RABGAP1L: variants seen among roughly 807,000 people sequenced by gnomAD.
The protein encoded by RABGAP1L is RAB GTPase activating protein 1 like, also known as rab GTPase-activating protein 1-like.
In RABGAP1L, 63 loss-of-function variants were observed where a neutral mutation model predicts 137.7. That is an observed-to-expected ratio of 0.46 (90% CI 0.37 to 0.56). RABGAP1L has a LOEUF of 0.56. Among genes scored for constraint, RABGAP1L ranks in the 20% least tolerant of loss-of-function variants. RABGAP1L has a pLI of 0.00. For synonymous variants in RABGAP1L, 431 were observed against 433.7 expected, an observed-to-expected ratio of 0.99 and a Z score of 0.08; for missense variants, 1,095 against 1,244.0, an observed-to-expected ratio of 0.88 and a Z score of 1.80.
chr1:174,363,337 T>A (rs1278087364), intron 11 of RABGAP1L, among the ~76,000 whole-genome samples: 1 of 152,254 alleles, frequency 6.6e-6, no homozygotes, highest in African/African-American at 2.4e-5. Context: ...AATGGTAGTT[T>A]AATAGAAATA....
intron 11 of RABGAP1L, among the ~76,000 whole-genome samples, chr1:174,312,448 G>T (rs181300810): frequency 2.0e-5 from 3 of 151,928 alleles, no homozygotes; most frequent in Non-Finnish European, 2.9e-5. Context: ...CAGATTATTC[G>T]ATTTTTTTCC....
intron 13 of RABGAP1L, among the ~76,000 whole-genome samples, chr1:174,502,666 GTGTATA>G (rs1454408485): frequency 2.7e-5 from 4 of 146,766 alleles, no homozygotes; most frequent in Non-Finnish European, 6.0e-5. Flanking sequence ...ATATGTGTGT[GTGTATA>G]TATACATATA....
chr1:174,572,575 G>T (rs910995863), intron 13 of RABGAP1L, among the ~76,000 whole-genome samples: 1 of 152,076 alleles, frequency 6.6e-6, no homozygotes, highest in Non-Finnish European at 1.5e-5. Context: ...TAGAGACGGG[G>T]TTTCACTGTA....
Position 174,595,583 on chromosome 1 carries a change from C to G in RABGAP1L, c.1711-41792C>G, listed in dbSNP as rs1243578569. 2.0e-5 allele frequency among the ~76,000 whole-genome samples: 3 copies of G among 147,832 alleles called. No homozygotes were observed. The East Asian group carries it at 6.1e-4, about 30-fold the overall frequency. Reference sequence around the variant, plus strand: ...AGTTTTCCTTCTAACAGACAGGACCCTCAGCTGCAGGTCTGTTGGAATACC... The same window carrying G: ...AGTTTTCCTTCTAACAGACAGGACCGTCAGCTGCAGGTCTGTTGGAATACC... On this transcript the variant is annotated intron_variant, in intron 13 of 25. Coordinates refer to ENST00000681986, the MANE Select transcript of RABGAP1L (RefSeq NM_001366446.1).
chr1:174,429,285 G>A (rs1262115013), intron 13 of RABGAP1L, among the ~76,000 whole-genome samples: 1 of 152,144 alleles, frequency 6.6e-6, no homozygotes, highest in South Asian at 2.1e-4. Context: ...AAGGGCATTT[G>A]TGTTTTTTGA....
At chr1:174,851,877 T>C (rs1326223470) in intron 19 of RABGAP1L, among the ~76,000 whole-genome samples, 1 of 152,142 alleles carries the variant, frequency 6.6e-6, no homozygotes, top group African/African-American at 2.4e-5. Flanking sequence ...CCTGGGTTTA[T>C]GTGACCTGGA....
intron 18 of RABGAP1L, among the ~76,000 whole-genome samples, chr1:174,776,794 C>T (rs747384122): frequency 7.2e-5 from 11 of 152,122 alleles, no homozygotes; most frequent in African/African-American, 1.2e-4. Context: ...TGTTAGCTGG[C>T]TGTATGTTTT....
At position 174,595,667 on chromosome 1, in the gene RABGAP1L, G is replaced by T. The variant is rs557578834; in HGVS notation, c.1711-41708G>T. Among the ~76,000 whole-genome samples the T allele has an allele frequency of 5.4e-5, 8 of 148,628 alleles. No homozygotes were observed. In the South Asian group the frequency reaches 1.7e-3, roughly 32 times the overall value. ...GGGCTGCCTCCCAGTTAGGCTGCTC[G>T]GGGGTCAGGGGTCAGGGACCCACTT... On this transcript the variant is annotated intron_variant, in intron 13 of 25. Coordinates refer to ENST00000681986, the MANE Select transcript of RABGAP1L (RefSeq NM_001366446.1).
chr1:174,940,578 C>CT (rs1386039784), intron 19 of RABGAP1L, among the ~76,000 whole-genome samples: 2 of 152,102 alleles, frequency 1.3e-5, no homozygotes, highest in African/African-American at 4.8e-5. Context: ...GCACCTAACC[C>CT]TTTCTTCTTT....
intron 14 of RABGAP1L, among the ~76,000 whole-genome samples, chr1:174,677,159 C>CAAAAAAAA (rs10636911): frequency 3.2e-5 from 4 of 126,356 alleles, no homozygotes; most frequent in African/African-American, 1.4e-4. Context: ...CCATCTCTAC[C>CAAAAAAAA]AAAAAAAAAA....
At chr1:174,223,293 A>AAAT (rs1669906157) in intron 3 of RABGAP1L, among the ~76,000 whole-genome samples, 1 of 147,846 alleles carries the variant, frequency 6.8e-6, no homozygotes, top group Non-Finnish European at 1.5e-5. Context: ...AAAAAAAAAA[A>AAAT]TTAGCTGGGC....
chr1:174,415,709 A>C (rs1650470782), intron 13 of RABGAP1L, among the ~76,000 whole-genome samples: 1 of 152,026 alleles, frequency 6.6e-6, no homozygotes, highest in African/African-American at 2.4e-5. Context: ...TTTTCTACCC[A>C]TCTGTCTAGT....
intron 12 of RABGAP1L, among the ~76,000 whole-genome samples, chr1:174,386,408 T>A (rs1398297013): frequency 6.6e-6 from 1 of 152,156 alleles, no homozygotes; most frequent in African/African-American, 2.4e-5. Context: ...TTGCCCATGA[T>A]CATATCAAGT....
At chr1:174,500,876 A>G (rs960316349) in intron 13 of RABGAP1L, among the ~76,000 whole-genome samples, 4 of 152,170 alleles carry the variant, frequency 2.6e-5, no homozygotes, top group African/African-American at 9.7e-5. Context: ...ATATTGGTTG[A>G]TAATTAAATG....
chr1:174,365,110 C>T (rs1684498525), intron 11 of RABGAP1L: 1 of 152,262 alleles, frequency 6.6e-6, no homozygotes, highest in South Asian at 2.1e-4. Flanking sequence ...AGTGGTGACG[C>T]AAGCACTCCC....
chr1:174,980,281 AT>A (rs1459076668), intron 23 of RABGAP1L, among the ~76,000 whole-genome samples: 3 of 152,176 alleles, frequency 2.0e-5, no homozygotes. Flanking sequence ...CTTTAGAGCT[AT>A]TTTACTCTTC....
intron 17 of RABGAP1L, among the ~76,000 whole-genome samples, chr1:174,728,988 G>A (rs76469613): frequency 0.021 from 3,221 of 152,080 alleles, 53 homozygotes; most frequent in Middle Eastern, 0.085. Flanking sequence ...CAAAAAATTC[G>A]TATGGACCCA....
At chr1:174,369,602 C>CT (rs1489427035) in intron 11 of RABGAP1L, among the ~76,000 whole-genome samples, 1 of 152,186 alleles carries the variant, frequency 6.6e-6, no homozygotes, top group African/African-American at 2.4e-5. Flanking sequence ...TATTGTAACA[C>CT]TAAAGCTTTA....
intron 17 of RABGAP1L, among the ~76,000 whole-genome samples, chr1:174,717,440 A>G (rs1332750485): frequency 2.0e-5 from 3 of 152,186 alleles, no homozygotes; most frequent in African/African-American, 7.2e-5. Context: ...CTGTAAAAGA[A>G]TGAAAGATAA....
Sources: gnomAD v4.1 joint callset for allele counts (sites outside exome capture counted in the v4.1 genomes callset) on GRCh38, gnomAD v4.1.1 for gene constraint, MANE v1.5 for transcripts, NCBI Gene and HGNC (gene_info 2026-07-23, HGNC 2026-07-21) for gene names.